The following PTK2 variants were observed in gnomAD, a reference collection of about 807,000 sequenced individuals.
The protein encoded by PTK2 is protein tyrosine kinase 2.
A neutral mutation model predicts 150.1 loss-of-function variants in PTK2; 45 were observed. That is an observed-to-expected ratio of 0.30 (90% CI 0.24 to 0.38). The LOEUF (loss-of-function observed/expected upper bound fraction) is 0.38. Among genes scored for constraint, PTK2 ranks in the 10% least tolerant of loss-of-function variants. The pLI, the probability that PTK2 is intolerant of heterozygous loss-of-function variation, is 1.00. For synonymous variants in PTK2, 432 were observed against 449.2 expected (o/e 0.96, Z 0.48); for missense variants, 919 against 1,307.3 (o/e 0.70, Z 4.58).
chr8:140,988,078 T>C (rs1361522558), intron 1 of PTK2, among the ~76,000 whole-genome samples: 1 of 150,294 alleles, frequency 6.7e-6, no homozygotes, highest in Non-Finnish European at 1.5e-5. Flanking sequence ...AACATACACC[T>C]ACCATATGAT....
rs183933614 is a variant in PTK2 at position 140,917,189 on chromosome 8, G to A, written c.-33+8472C>T. 3.5e-3 allele frequency among the ~76,000 whole-genome samples: 535 copies of A among 152,170 alleles called. 6 individuals are homozygous for A. The highest frequency in any genetic ancestry group is 0.012 in the African/African-American group (507 of 41,518). ...GTGGATTACTTGAGGTCAGGAGTTC[G>A]AGACCAGCCTGGCCAACATGGTGAA... On this transcript the variant is annotated intron_variant, in intron 2 of 31. Coordinates refer to ENST00000522684, the Ensembl canonical transcript of PTK2.
chr8:140,752,336 G>A lies in PTK2; in HGVS notation c.1333-20C>T. On this transcript the variant is annotated intron_variant, in intron 16 of 31. Coordinates refer to ENST00000522684, the Ensembl canonical transcript of PTK2. ...ATTCTCCTGTGTTAGGGAAATTATA[G>A]AATCACACACACATGCAAAAAGGTT... 6.2e-7 allele frequency: 1 copy of A among 1,602,490 alleles called. No individual in the cohort carries two copies. Among genetic ancestry groups the A allele is most frequent in the South Asian group, 1.1e-5 (1 of 90,736 alleles).
At chr8:140,723,575 G>A (rs2100044191) in intron 22 of PTK2, among the ~76,000 whole-genome samples, 1 of 152,178 alleles carries the variant, frequency 6.6e-6, no homozygotes, top group Non-Finnish European at 1.5e-5. Context: ...GTATCAAGGA[G>A]GTCAAACTGA....
At chr8:140,839,967 AAC>A (rs1313666387) in intron 7 of PTK2, among the ~76,000 whole-genome samples, 1 of 152,240 alleles carries the variant, frequency 6.6e-6, no homozygotes, top group African/African-American at 2.4e-5. Flanking sequence ...TTCTTGTCAT[AAC>A]AGAGTATCTT....
chr8:140,839,590 G>A (rs905916417), intron 7 of PTK2, among the ~76,000 whole-genome samples: 12 of 151,986 alleles, frequency 7.9e-5, no homozygotes, highest in African/African-American at 2.7e-4. Context: ...ATAAGTGGTA[G>A]AATGAAAAAA....
At chr8:140,686,660 T>C in exon 27 of PTK2, 5 of 1,614,002 alleles carry the variant, frequency 3.1e-6, no homozygotes, top group Non-Finnish European at 4.2e-6. Context: ...ATCCTCCCTG[T>C]CAATACTGCC....
intron 2 of PTK2, among the ~76,000 whole-genome samples, chr8:140,903,663 T>A (rs1003803694): frequency 6.6e-6 from 1 of 152,216 alleles, no homozygotes; most frequent in Admixed American, 6.5e-5. Context: ...TTTGTTTGTG[T>A]CCTCTCTTAT....
At chr8:140,795,086 T>C (rs188349109) in intron 12 of PTK2, among the ~76,000 whole-genome samples, 2 of 152,348 alleles carry the variant, frequency 1.3e-5, no homozygotes, top group East Asian at 3.8e-4. Flanking sequence ...TACTTGTCAC[T>C]GTCATTCCAG....
intron 26 of PTK2, among the ~76,000 whole-genome samples, chr8:140,688,466 CT>C (rs34645032): frequency 0.45 from 67,618 of 151,848 alleles, 15,267 homozygotes; most frequent in Non-Finnish European, 0.49. Context: ...GCAATTTCAC[CT>C]TATCTGGGAG....
In PTK2 at chr8:140,865,295, C is replaced by T. The variant is rs1254278951; in HGVS notation, c.363-896G>A. Among the ~76,000 whole-genome samples, 3 of 152,194 alleles carry T rather than the reference C, an allele frequency of 2.0e-5. No individual in the cohort carries two copies. In the East Asian group the frequency reaches 5.8e-4, roughly 29 times the overall value. ...CCCAGGCTGGTCTTGAACTCCTGGTCTCAAGGGATCCTTCCACCTTGGCCT... is the reference window on the plus strand; with the variant it reads ...CCCAGGCTGGTCTTGAACTCCTGGTTTCAAGGGATCCTTCCACCTTGGCCT... On this transcript the variant is annotated intron_variant, in intron 4 of 31. Coordinates refer to ENST00000522684, the Ensembl canonical transcript of PTK2.
exon 5 of PTK2, chr8:140,864,383 G>A (rs1402739520): frequency 2.5e-6 from 4 of 1,580,082 alleles, no homozygotes; most frequent in Non-Finnish European, 3.4e-6. Flanking sequence ...GGCAAATAAC[G>A]AATTCTCAAT....
At chr8:140,991,209 TTCACACAATA>T (rs1354416511) in intron 1 of PTK2, among the ~76,000 whole-genome samples, 1 of 152,208 alleles carries the variant, frequency 6.6e-6, no homozygotes, top group Non-Finnish European at 1.5e-5. Context: ...TAAAAATCAA[TTCACACAATA>T]CAGCTTCATT....
intron 2 of PTK2, among the ~76,000 whole-genome samples, chr8:140,910,393 C>A (rs2100162641): frequency 1.3e-5 from 2 of 151,938 alleles, no homozygotes; most frequent in Admixed American, 6.6e-5. Context: ...AAATTTGTAT[C>A]TTCAAAACTT....
intron 14 of PTK2, among the ~76,000 whole-genome samples, chr8:140,767,138 T>C (rs946886158): frequency 2.0e-5 from 3 of 152,154 alleles, no homozygotes; most frequent in Admixed American, 6.5e-5. Flanking sequence ...TCTAAAATAA[T>C]TGTGAAGGAG....
chr8:140,906,480 G>T (rs1286294308), intron 2 of PTK2, among the ~76,000 whole-genome samples: 3 of 152,120 alleles, frequency 2.0e-5, no homozygotes, highest in African/African-American at 7.2e-5. Flanking sequence ...ATATTATTCA[G>T]CAACAGAAGA....
At chr8:140,868,478 T>C (rs2100140660) in intron 4 of PTK2, among the ~76,000 whole-genome samples, 1 of 152,204 alleles carries the variant, frequency 6.6e-6, no homozygotes, top group Non-Finnish European at 1.5e-5. Flanking sequence ...AATGTTGCAG[T>C]ATCTATGTAT....
chr8:140,734,489 G>A (rs1294831971), intron 22 of PTK2, among the ~76,000 whole-genome samples: 1 of 152,198 alleles, frequency 6.6e-6, no homozygotes, highest in Non-Finnish European at 1.5e-5. Context: ...CAAGAGCTCT[G>A]AGTGTAGCTG....
intron 26 of PTK2, among the ~76,000 whole-genome samples, chr8:140,691,470 T>C (rs2100023187): frequency 6.6e-6 from 1 of 152,182 alleles, no homozygotes; most frequent in Admixed American, 6.5e-5. Flanking sequence ...TACTGTATAA[T>C]ATATTGTTGT....
rs549982888 is a variant in PTK2, at chr8:140,839,152, C to G, written c.593+7108G>C. Reference sequence around the variant, plus strand: ...CGCCCCCAGCACACACACACTAACACAAAGCACGACAGGCAGAAGGGAAAC... The same window carrying G: ...CGCCCCCAGCACACACACACTAACAGAAAGCACGACAGGCAGAAGGGAAAC... On this transcript the variant is annotated intron_variant, in intron 7 of 31. Coordinates refer to ENST00000522684, the Ensembl canonical transcript of PTK2. 1.1e-4 allele frequency among the ~76,000 whole-genome samples: 17 copies of G among 152,288 alleles called. No individual in the cohort carries two copies. In the South Asian group the frequency reaches 3.5e-3, roughly 32 times the overall value.
Sources: gnomAD v4.1 joint callset for allele counts (sites outside exome capture counted in the v4.1 genomes callset) on GRCh38, gnomAD v4.1.1 for gene constraint, MANE v1.5 for transcripts, NCBI Gene and HGNC (gene_info 2026-07-23, HGNC 2026-07-21) for gene names.